Variants in ZFHX3 observed in about 807,000 individuals in gnomAD.
The protein encoded by ZFHX3 is zinc finger homeobox protein 3.
Under a neutral mutation model 279.1 loss-of-function variants are expected in ZFHX3, and 42 were observed. That is an observed-to-expected ratio of 0.15 (90% CI 0.12 to 0.19). The LOEUF is 0.19. Ranked by LOEUF, ZFHX3 falls within the 10% of genes least tolerant of loss-of-function variation. ZFHX3 has a pLI of 1.00. For synonymous variants in ZFHX3, 2,293 were observed against 1,957.8 expected, an observed-to-expected ratio of 1.17 and a Z score of -4.52; for missense variants, 4,981 against 4,754.0, an observed-to-expected ratio of 1.05 and a Z score of -1.40.
intron 4 of ZFHX3, among the ~76,000 whole-genome samples, chr16:72,854,762 A>G (rs1342473991): frequency 6.6e-6 from 1 of 152,064 alleles, no homozygotes. Flanking sequence ...CCCGGAGGAG[A>G]GCCCGATTGA....
At chr16:72,873,406 A>G (rs1024966175) in intron 4 of ZFHX3, among the ~76,000 whole-genome samples, 3 of 152,220 alleles carry the variant, frequency 2.0e-5, no homozygotes, top group Admixed American at 6.5e-5. Flanking sequence ...TTGCATTTGC[A>G]CGACTTCCCT....
chr16:72,947,787 C>G (rs755723174), intron 3 of ZFHX3, among the ~76,000 whole-genome samples: 2 of 152,076 alleles, frequency 1.3e-5, no homozygotes, highest in Admixed American at 1.3e-4. Flanking sequence ...GCATCTGGAG[C>G]GGTTTCTCTA....
rs1292285563 is a variant in ZFHX3, at chr16:72,875,834, C to T, written c.3448+13897G>A. ...ATTATCAGGTGATGCAACAACCTGC[C>T]CGGTCCCAGGGCTGGAATTCCAAAC... On this transcript the variant is annotated intron_variant, in intron 4 of 9. Coordinates refer to ENST00000268489, the MANE Select transcript of ZFHX3 (RefSeq NM_006885.4). 2.0e-5 allele frequency among the ~76,000 whole-genome samples: 3 copies of T among 152,090 alleles called. No individual in the cohort carries two copies. In the East Asian group the frequency reaches 5.8e-4, roughly 29 times the overall value.
intron 8 of ZFHX3, among the ~76,000 whole-genome samples, chr16:73,066,587 G>A (rs896189778): frequency 6.6e-6 from 1 of 152,162 alleles, no homozygotes; most frequent in Non-Finnish European, 1.5e-5. Flanking sequence ...CGGCCCCTCG[G>A]ATGGGCGGGG....
chr16:73,067,051 G>A (rs1290547029), intron 8 of ZFHX3, among the ~76,000 whole-genome samples: 3 of 152,108 alleles, frequency 2.0e-5, no homozygotes, highest in Admixed American at 6.5e-5. Context: ...AACCCCCGGG[G>A]CCCTGCTCGC....
chr16:72,871,150 A>G (rs1417220694), intron 4 of ZFHX3, among the ~76,000 whole-genome samples: 4 of 152,152 alleles, frequency 2.6e-5, no homozygotes, highest in African/African-American at 9.7e-5. Flanking sequence ...ACTTTTCTAT[A>G]AGTCTGAAAT....
chr16:73,392,685 G>A (rs980326364), intron 3 of ZFHX3, among the ~76,000 whole-genome samples: 4 of 152,002 alleles, frequency 2.6e-5, no homozygotes, highest in Non-Finnish European at 5.9e-5. Context: ...TATTGAAATG[G>A]ACCCCATCAA....
intron 1 of ZFHX3, among the ~76,000 whole-genome samples, chr16:73,819,731 G>C (rs1007757600): frequency 2.0e-5 from 3 of 152,158 alleles, no homozygotes; most frequent in Admixed American, 2.0e-4. Context: ...AGTGATGTGG[G>C]TCATGCTCCA....
chr16:73,318,295 C>G (rs1328938931), exon 4 of ZFHX3: 1 of 152,198 alleles, frequency 6.6e-6, no homozygotes, highest in Non-Finnish European at 1.5e-5. Context: ...TTTCTTCCAG[C>G]CATTCTCGGC....
chr16:73,429,336 A>G (rs75728078), intron 3 of ZFHX3, among the ~76,000 whole-genome samples: 1,653 of 152,084 alleles, frequency 0.011, 32 homozygotes, highest in African/African-American at 0.036. Context: ...CTTCAGATAT[A>G]TATATAATTT....
chr16:73,016,211 T>G (rs976548713), intron 1 of ZFHX3, among the ~76,000 whole-genome samples: 16 of 152,214 alleles, frequency 1.1e-4, no homozygotes, highest in African/African-American at 2.7e-4. Flanking sequence ...GCATGTTTGT[T>G]GCCACTTCCC....
intron 2 of ZFHX3, among the ~76,000 whole-genome samples, chr16:73,668,868 G>A (rs1425831227): frequency 6.6e-6 from 1 of 152,114 alleles, no homozygotes; most frequent in African/African-American, 2.4e-5. Flanking sequence ...TCTCATGCCA[G>A]TTAGAATGGC....
intron 1 of ZFHX3, among the ~76,000 whole-genome samples, chr16:73,836,307 T>C (rs1422097103): frequency 6.6e-6 from 1 of 152,216 alleles, no homozygotes; most frequent in East Asian, 1.9e-4. Flanking sequence ...AACTTGAGGA[T>C]GGCATTTAAC....
intron 3 of ZFHX3, among the ~76,000 whole-genome samples, chr16:73,448,685 C>CGTGTGTGTGTGTGTGT (rs71156167): frequency 1.5e-4 from 22 of 142,154 alleles, no homozygotes; most frequent in East Asian, 8.3e-4. Context: ...TATTTATATA[C>CGTGTGTGTGTGTGTGT]GTGTGTGTGT....
At chr16:73,312,698 G>T (rs947426022) in intron 4 of ZFHX3, among the ~76,000 whole-genome samples, 1 of 152,180 alleles carries the variant, frequency 6.6e-6, no homozygotes, top group South Asian at 2.1e-4. Context: ...TTGCAAGAAA[G>T]GCACAACTCT....
chr16:73,013,696 G>C (rs1963997471), intron 1 of ZFHX3, among the ~76,000 whole-genome samples: 2 of 152,114 alleles, frequency 1.3e-5, no homozygotes, highest in Admixed American at 1.3e-4. Context: ...GGGGAGGGGA[G>C]AGGCCACCAA....
chr16:73,424,698 G>A (rs1383899417), intron 3 of ZFHX3, among the ~76,000 whole-genome samples: 1 of 139,210 alleles, frequency 7.2e-6, no homozygotes, highest in Non-Finnish European at 1.5e-5. Flanking sequence ...AGGCTGCAGT[G>A]AGCTATGATT....
chr16:72,788,124 CTGT>C lies in ZFHX3; in HGVS notation c.10149_10151del (p.Gln3389del), dbSNP rs2035529096. 2 of 1,596,422 alleles carry C rather than the reference CTGT, an allele frequency of 1.3e-6. No homozygotes were observed. The highest frequency in any genetic ancestry group is 1.7e-6 in the Non-Finnish European group (2 of 1,167,812). ...GCTGCACTTTTTGCTGCTGCTGCTGCTGTAGTTGCCGCTGCTGCTGCTGCTGAA... is the reference window on the plus strand; with the variant it reads ...GCTGCACTTTTTGCTGCTGCTGCTGCAGTTGCCGCTGCTGCTGCTGCTGAA... On this transcript the variant is annotated inframe_deletion, in exon 10 of 10. Coordinates refer to ENST00000268489, the MANE Select transcript of ZFHX3 (RefSeq NM_006885.4).
intron 5 of ZFHX3, among the ~76,000 whole-genome samples, chr16:73,179,186 G>A (rs1967734451): frequency 6.6e-6 from 1 of 152,198 alleles, no homozygotes; most frequent in South Asian, 2.1e-4. Flanking sequence ...TGGAACCAAA[G>A]TTCAGCACTA....
Sources: gnomAD v4.1 joint callset for allele counts (sites outside exome capture counted in the v4.1 genomes callset) on GRCh38, gnomAD v4.1.1 for gene constraint, MANE v1.5 for transcripts, NCBI Gene and HGNC (gene_info 2026-07-23, HGNC 2026-07-21) for gene names.